Variants in KSR2 observed in about 807,000 individuals in gnomAD.
KSR2 encodes the protein kinase suppressor of ras 2.
A neutral mutation model predicts 107.8 loss-of-function variants in KSR2; 25 were observed. The ratio of observed to expected loss-of-function variants is 0.23; its 90% CI spans 0.17 to 0.32. KSR2 has a LOEUF of 0.32. Among genes scored for constraint, KSR2 ranks in the 10% least tolerant of loss-of-function variants. The probability of loss-of-function intolerance (pLI) is 1.00; values close to 1 mark genes in which losing one functional copy is unlikely to be tolerated. For synonymous variants in KSR2, 480 were observed against 507.0 expected (o/e 0.95, Z 0.71); for missense variants, 887 against 1,268.9 (o/e 0.70, Z 4.57).
chr12:117,589,727 C>G (rs1459881307), intron 5 of KSR2, among the ~76,000 whole-genome samples: 1 of 152,234 alleles, frequency 6.6e-6, no homozygotes, highest in African/African-American at 2.4e-5. Flanking sequence ...GAGGATAACT[C>G]TATTTGCTTT....
intron 5 of KSR2, among the ~76,000 whole-genome samples, chr12:117,665,238 C>A (rs1884610154): frequency 6.6e-6 from 1 of 152,124 alleles, no homozygotes; most frequent in African/African-American, 2.4e-5. Context: ...CACAGGCAAG[C>A]AGAAACGCTT....
intron 1 of KSR2, among the ~76,000 whole-genome samples, chr12:117,932,403 G>A (rs1177381524): frequency 6.6e-6 from 1 of 151,902 alleles, no homozygotes; most frequent in African/African-American, 2.4e-5. Flanking sequence ...ATTCACACTT[G>A]ATCATAACAC....
At chr12:117,777,502 C>T (rs1258728375) in intron 3 of KSR2, among the ~76,000 whole-genome samples, 1 of 152,172 alleles carries the variant, frequency 6.6e-6, no homozygotes. Context: ...GGGTTGTGCA[C>T]ATCAGGCGAC....
intron 4 of KSR2, among the ~76,000 whole-genome samples, chr12:117,699,604 C>A (rs933080416): frequency 6.6e-6 from 1 of 151,996 alleles, no homozygotes; most frequent in Non-Finnish European, 1.5e-5. Flanking sequence ...AAGGTACAGG[C>A]AAAATACGCT....
chr12:117,909,481 C>T (rs909991339), intron 1 of KSR2, among the ~76,000 whole-genome samples: 11 of 152,144 alleles, frequency 7.2e-5, no homozygotes, highest in Non-Finnish European at 7.4e-5. Flanking sequence ...TATTGTTTAC[C>T]GAAGTGTGGT....
chr12:117,622,611 G>A (rs1882254327), intron 5 of KSR2, among the ~76,000 whole-genome samples: 1 of 152,052 alleles, frequency 6.6e-6, no homozygotes, highest in Non-Finnish European at 1.5e-5. Flanking sequence ...ACCCACACTG[G>A]TTGGAGAGAT....
At chr12:117,952,705 C>T (rs1896397997) in intron 1 of KSR2, among the ~76,000 whole-genome samples, 3 of 151,846 alleles carry the variant, frequency 2.0e-5, no homozygotes, top group South Asian at 2.1e-4. Context: ...AACTTTTGGC[C>T]GTGCGTGGCG....
chr12:117,944,301 G>A (rs774657102), intron 1 of KSR2, among the ~76,000 whole-genome samples: 4 of 152,126 alleles, frequency 2.6e-5, no homozygotes, highest in African/African-American at 7.2e-5. Flanking sequence ...GCTTGAACCC[G>A]GGAGACGGAG....
chr12:117,878,464 T>C (rs1490300143), intron 1 of KSR2, among the ~76,000 whole-genome samples: 1 of 151,960 alleles, frequency 6.6e-6, no homozygotes, highest in Non-Finnish European at 1.5e-5. Context: ...TGGCAAAAAA[T>C]AGATGATGTT....
chr12:117,753,305 C>T (rs1014261295), intron 4 of KSR2, among the ~76,000 whole-genome samples: 1 of 152,132 alleles, frequency 6.6e-6, no homozygotes, highest in African/African-American at 2.4e-5. Context: ...TACGGTGGCT[C>T]CTTGTGAAGG....
rs1565922891 is a variant in KSR2 at position 117,606,427 on chromosome 12, TCCTCCCTCCCTCCC to T, written c.1172-24082_1172-24069del. Among the ~76,000 whole-genome samples, 35 of 75,024 alleles carry T rather than the reference TCCTCCCTCCCTCCC, an allele frequency of 4.7e-4. 3 individuals carry two copies. The highest frequency in any genetic ancestry group is 2.0e-3 in the African/African-American group (33 of 16,638). The allele number at this position is 75,024 out of a possible 152,430, so 49.2% of individuals were successfully genotyped here. On this transcript the variant is annotated intron_variant, in intron 5 of 19. Transcript: ENST00000339824. Reference sequence around the variant, plus strand: ...CTCCTTCCTCCCTCCCTCCCCTCCTTCCTCCCTCCCTCCCCTCCTTCCTCCCTCCCTCCCCTCCT... The same window carrying T: ...CTCCTTCCTCCCTCCCTCCCCTCCTTCTCCTTCCTCCCTCCCTCCCCTCCT...
intron 5 of KSR2, among the ~76,000 whole-genome samples, chr12:117,586,811 A>T (rs1165870173): frequency 6.6e-6 from 1 of 152,182 alleles, no homozygotes; most frequent in Non-Finnish European, 1.5e-5. Context: ...TGCCATTTCA[A>T]CAAGGAAATT....
intron 9 of KSR2, among the ~76,000 whole-genome samples, chr12:117,549,776 G>A (rs1288175147): frequency 6.6e-6 from 1 of 152,158 alleles, no homozygotes; most frequent in East Asian, 1.9e-4. Flanking sequence ...ACTAATCAAT[G>A]TTATATGAAT....
At chr12:117,768,528 G>A (rs1276968753) in intron 3 of KSR2, among the ~76,000 whole-genome samples, 1 of 152,158 alleles carries the variant, frequency 6.6e-6, no homozygotes, top group African/African-American at 2.4e-5. Context: ...GCTCAACAGG[G>A]CTCCTGTGTG....
In KSR2 at chr12:117,511,221, C is replaced by T. The variant is rs566506944; in HGVS notation, c.2219+13631G>A. 4.6e-5 allele frequency among the ~76,000 whole-genome samples: 7 copies of T among 152,362 alleles called. No individual in the cohort carries two copies. The South Asian group carries it at 1.4e-3, about 32-fold the overall frequency. ...CACTCGGCTTCTGTTTCCTGATGAT[C>T]CACAAGGCCAGGCACTGGCGGACAC... is the stretch of plus-strand genomic sequence containing the variant. On this transcript the variant is annotated intron_variant, in intron 14 of 19. Transcript: ENST00000339824.
intron 5 of KSR2, among the ~76,000 whole-genome samples, chr12:117,596,905 T>C (rs980497705): frequency 7.9e-5 from 12 of 152,230 alleles, no homozygotes; most frequent in African/African-American, 2.9e-4. Context: ...GACAAAGCAC[T>C]GTGGTTCGCA....
intron 4 of KSR2, among the ~76,000 whole-genome samples, chr12:117,682,407 T>TAAAAAAA (rs1885402425): frequency 1.3e-5 from 2 of 152,086 alleles, no homozygotes; most frequent in African/African-American, 4.8e-5. Flanking sequence ...CCTGCACATG[T>TAAAAAAA]ACTTCAGTTT....
chr12:117,715,639 A>G (rs1003573267), intron 4 of KSR2, among the ~76,000 whole-genome samples: 4 of 152,214 alleles, frequency 2.6e-5, no homozygotes, highest in Non-Finnish European at 5.9e-5. Flanking sequence ...CAGAAAGTAA[A>G]TATTTCAGGC....
At chr12:117,595,921 G>T (rs1880616145) in intron 5 of KSR2, among the ~76,000 whole-genome samples, 1 of 152,132 alleles carries the variant, frequency 6.6e-6, no homozygotes. Context: ...GCTTGGTAAG[G>T]CCACAGCATT....
Sources: gnomAD v4.1 joint callset for allele counts (sites outside exome capture counted in the v4.1 genomes callset) on GRCh38, gnomAD v4.1.1 for gene constraint, MANE v1.5 for transcripts, NCBI Gene and HGNC (gene_info 2026-07-23, HGNC 2026-07-21) for gene names.